Variants in IMPG2 observed in about 807,000 individuals in gnomAD.
The protein encoded by IMPG2 is interphotoreceptor matrix proteoglycan 2.
In IMPG2, 91 loss-of-function variants were observed where a neutral mutation model predicts 129.2. The observed-to-expected ratio is 0.70, with a 90% CI of 0.59 to 0.84. IMPG2 has a LOEUF of 0.84. Among genes scored for constraint, IMPG2 ranks in the 40% least tolerant of loss-of-function variants. The pLI, the probability that IMPG2 is intolerant of heterozygous loss-of-function variation, is 0.00. For synonymous variants in IMPG2, 510 were observed against 517.7 expected (o/e 0.99, Z 0.20); for missense variants, 1,430 against 1,461.7 (o/e 0.98, Z 0.35).
At chr3:101,268,451 A>G (rs971085804) in intron 8 of IMPG2, among the ~76,000 whole-genome samples, 3 of 152,206 alleles carry the variant, frequency 2.0e-5, no homozygotes, top group African/African-American at 7.2e-5. Flanking sequence ...AAGTAGGACA[A>G]CTTCAAATAT....
chr3:101,273,714 T>C lies in IMPG2; in HGVS notation c.695A>G (p.Glu232Gly). The C allele has an allele frequency of 1.9e-6, 3 of 1,614,148 alleles. No individual in the cohort carries two copies. The highest frequency in any genetic ancestry group is 2.5e-6 in the Non-Finnish European group (3 of 1,179,988). The change falls in exon 7 of 19, where the codon GAA becomes GGA. Residue 232 changes from glutamate (E) to glycine (G), a missense_variant. Coordinates refer to ENST00000193391, the MANE Select transcript of IMPG2 (RefSeq NM_016247.4). ...SISNEIENVI[E>G]EATKPAGEQI... ...TTCACCTGCTGGTTTTGTGGCTTCT[T>C]CTATCACATTCTCAATTTCATTGCT... is the stretch of plus-strand genomic sequence containing the variant.
At chr3:101,232,043 G>C (rs1438127867) in intron 15 of IMPG2, among the ~76,000 whole-genome samples, 1 of 151,776 alleles carries the variant, frequency 6.6e-6, no homozygotes, top group Admixed American at 6.6e-5. Flanking sequence ...GAATAAGAGG[G>C]GCCCAAAACC....
At chr3:101,234,191 C>T (rs1706321135) in intron 14 of IMPG2, among the ~76,000 whole-genome samples, 1 of 148,902 alleles carries the variant, frequency 6.7e-6, no homozygotes, top group Admixed American at 6.8e-5. Flanking sequence ...TAGAATGAGC[C>T]CTAATGCAAT....
rs1248857164 is a variant in IMPG2, at chr3:101,225,075, C to T, written c.*1894G>A. ...GTTAATTTGTGATAAAATACACTTT[C>T]ATCTAACACGTAGTATAGGAAAACA... On this transcript the variant is annotated 3_prime_UTR_variant, in exon 19 of 19. Coordinates refer to ENST00000193391, the MANE Select transcript of IMPG2 (RefSeq NM_016247.4). 6.6e-6 allele frequency: 1 copy of T among 152,226 alleles called. No individual in the cohort carries two copies. The highest frequency in any genetic ancestry group is 6.5e-5 in the Admixed American group (1 of 15,282). 9.4% of individuals were successfully genotyped at this position (152,226 alleles called of 1,614,324 possible). A position where few individuals can be genotyped will look rare whatever the true frequency, so the allele number is the denominator to read the frequency against.
intron 4 of IMPG2, among the ~76,000 whole-genome samples, chr3:101,277,803 TA>T (rs1576760919): frequency 6.6e-6 from 1 of 152,248 alleles, no homozygotes; most frequent in African/African-American, 2.4e-5. Context: ...CTATAAAAGT[TA>T]AATTACAGTA....
intron 2 of IMPG2, among the ~76,000 whole-genome samples, chr3:101,305,780 T>C (rs1358628831): frequency 6.6e-6 from 1 of 152,182 alleles, no homozygotes; most frequent in Non-Finnish European, 1.5e-5. Flanking sequence ...ATTTGCTAAG[T>C]TATTCCAAAG....
chr3:101,319,445 T>C (rs2058800420), intron 2 of IMPG2, 139 bp downstream of exon 2: 3 of 1,044,198 alleles, frequency 2.9e-6, no homozygotes, highest in Middle Eastern at 2.1e-4. Context: ...ATTAACACTA[T>C]ATTCTTAGCA....
intron 2 of IMPG2, among the ~76,000 whole-genome samples, chr3:101,317,004 T>C (rs2058788753): frequency 6.6e-6 from 1 of 151,876 alleles, no homozygotes; most frequent in Non-Finnish European, 1.5e-5. Context: ...CATTTATATA[T>C]AAAAGTATAG....
In IMPG2 at chr3:101,293,623, C is replaced by T. The variant is rs142351157; in HGVS notation, c.502-2113G>A. On this transcript the variant is annotated intron_variant, in intron 3 of 18. Coordinates refer to ENST00000193391, the MANE Select transcript of IMPG2 (RefSeq NM_016247.4). The stretch of plus-strand genomic sequence containing the variant: ...CCCATAACAAGAAATTCAGTCTGTC[C>T]TTCATTGAAGCCAGGTATTGACTTC... Among the ~76,000 whole-genome samples, 557 of 152,242 alleles carry T rather than the reference C, an allele frequency of 3.7e-3. 5 individuals carry two copies. The highest frequency in any genetic ancestry group is 0.01 in the African/African-American group (431 of 41,540).
rs551732047 is a variant in IMPG2, at chr3:101,302,229, A to T, written c.501+1917T>A. Among the ~76,000 whole-genome samples, 11 of 152,370 alleles carry T rather than the reference A, an allele frequency of 7.2e-5. No individual in the cohort carries two copies. In the East Asian group the frequency reaches 1.2e-3, roughly 16 times the overall value. On this transcript the variant is annotated intron_variant, in intron 3 of 18. Transcript: ENST00000193391. ...TTTCTATGCCTTCAAATATAAATTTACTAAAAGTTCCACTTGTAAGAGATA... is the reference window on the plus strand; with the variant it reads ...TTTCTATGCCTTCAAATATAAATTTTCTAAAAGTTCCACTTGTAAGAGATA...
In IMPG2 at chr3:101,320,290, G is replaced by A. The variant is rs2058804970; in HGVS notation, c.83C>T (p.Thr28Ile). 12 of 1,522,926 alleles carry A rather than the reference G, an allele frequency of 7.9e-6. No homozygotes were observed. The highest frequency in any genetic ancestry group is 1.1e-5 in the Non-Finnish European group (12 of 1,098,068). The allele number at this position is 1,522,926 out of a possible 1,614,324, so 94.3% of individuals were successfully genotyped here. The stretch of plus-strand genomic sequence containing the variant: ...AACAAATGTAGATTTTTAAATACCT[G>A]TTAATGATGGAAAGTCTCCTTCTAT... ...VLIEGDFPSLTAQTYLSIEEI... is the reference protein window; with the variant it reads ...VLIEGDFPSLIAQTYLSIEEI... The change falls in exon 1 of 19, where the codon ACA becomes ATA. Residue 28 changes from threonine to isoleucine, a missense_variant and splice_region_variant. Coordinates refer to ENST00000193391, the MANE Select transcript of IMPG2 (RefSeq NM_016247.4).
chr3:101,227,209 G>A (rs1161069885), intron 18 of IMPG2, among the ~76,000 whole-genome samples: 7 of 151,620 alleles, frequency 4.6e-5, no homozygotes, highest in African/African-American at 9.7e-5. Context: ...ACATTTTTTC[G>A]GCTACCTGAT....
At chr3:101,309,224 C>T (rs1051269065) in intron 2 of IMPG2, among the ~76,000 whole-genome samples, 1 of 152,174 alleles carries the variant, frequency 6.6e-6, no homozygotes, top group Non-Finnish European at 1.5e-5. Flanking sequence ...TGCCTGTTAC[C>T]CAGTTCCAAA....
chr3:101,288,031 A>C (rs1706966388), intron 4 of IMPG2, among the ~76,000 whole-genome samples: 1 of 152,202 alleles, frequency 6.6e-6, no homozygotes, highest in Non-Finnish European at 1.5e-5. Context: ...TAGGGAATTT[A>C]AACAATTCAA....
chr3:101,270,200 G>A (rs1178751609), intron 7 of IMPG2, among the ~76,000 whole-genome samples: 1 of 151,974 alleles, frequency 6.6e-6, no homozygotes, highest in Non-Finnish European at 1.5e-5. Context: ...GCCTCCCGAA[G>A]TGCTAGGATT....
chr3:101,300,470 G>A (rs1000701881), intron 3 of IMPG2, among the ~76,000 whole-genome samples: 5 of 152,230 alleles, frequency 3.3e-5, no homozygotes, highest in Admixed American at 1.3e-4. Flanking sequence ...CTAGCTTAGT[G>A]GCTGTTGAAA....
intron 2 of IMPG2, among the ~76,000 whole-genome samples, chr3:101,314,821 G>A (rs1490523989): frequency 1.3e-5 from 2 of 152,128 alleles, no homozygotes; most frequent in Non-Finnish European, 2.9e-5. Context: ...GATATATCAT[G>A]TTCATAGATC....
At chr3:101,285,257 C>T (rs1283544808) in intron 4 of IMPG2, among the ~76,000 whole-genome samples, 1 of 152,086 alleles carries the variant, frequency 6.6e-6, no homozygotes, top group Non-Finnish European at 1.5e-5. Flanking sequence ...CATCTTTGCC[C>T]CAAGAGTACT....
At position 101,244,346 on chromosome 3, in the gene IMPG2, C is replaced by T; in HGVS notation, c.1985G>A (p.Ser662Asn). ...VDKMDSTDQISKHSKYEHDDR... is the reference protein window; with the variant it reads ...VDKMDSTDQINKHSKYEHDDR... Reference sequence around the variant, plus strand: ...ATCATGTTCATATTTTGAGTGCTTACTAATTTGGTCTGTGGAATCCATTTT... The same window carrying T: ...ATCATGTTCATATTTTGAGTGCTTATTAATTTGGTCTGTGGAATCCATTTT... The change falls in exon 13 of 19, where the codon AGT becomes AAT. Residue 662 changes from serine to asparagine, a missense_variant. Ser to Asn is a conservative substitution (Grantham distance 46). Transcript: ENST00000193391. 1 of 1,614,072 alleles carries T rather than the reference C, an allele frequency of 6.2e-7. No homozygotes were observed. Among genetic ancestry groups the T allele is most frequent in the Non-Finnish European group, 8.5e-7 (1 of 1,179,982 alleles).
Sources: gnomAD v4.1 joint callset for allele counts (sites outside exome capture counted in the v4.1 genomes callset) on GRCh38, gnomAD v4.1.1 for gene constraint, MANE v1.5 for transcripts, NCBI Gene and HGNC (gene_info 2026-07-23, HGNC 2026-07-21) for gene names.